PITPNM3: variants seen among roughly 807,000 people sequenced by gnomAD.
The protein encoded by PITPNM3 is membrane-associated phosphatidylinositol transfer protein 3.
Under a neutral mutation model 102.0 loss-of-function variants are expected in PITPNM3, and 26 were observed. That is an observed-to-expected ratio of 0.25 (90% CI 0.19 to 0.35). The LOEUF is 0.35. Ranked by LOEUF, PITPNM3 falls within the 10% of genes least tolerant of loss-of-function variation. The probability of loss-of-function intolerance (pLI) is 1.00; values close to 1 mark genes in which losing one functional copy is unlikely to be tolerated. For synonymous variants in PITPNM3, 578 were observed against 558.6 expected (o/e 1.03, Z -0.49); for missense variants, 1,083 against 1,346.1 (o/e 0.80, Z 3.06).
chr17:6,475,320 G>A (rs1374779021), intron 9 of PITPNM3, among the ~76,000 whole-genome samples: 4 of 152,130 alleles, frequency 2.6e-5, no homozygotes, highest in Non-Finnish European at 5.9e-5. Context: ...TCCAAGTTAC[G>A]TTCAGCCACA....
At chr17:6,509,194 A>G (rs944165253) in intron 3 of PITPNM3, among the ~76,000 whole-genome samples, 31 of 152,124 alleles carry the variant, frequency 2.0e-4, no homozygotes, top group African/African-American at 5.6e-4. Context: ...ATCTTTTCTG[A>G]GAAGATGCTT....
intron 3 of PITPNM3, among the ~76,000 whole-genome samples, chr17:6,508,485 G>A (rs553846712): frequency 3.0e-4 from 45 of 152,318 alleles, no homozygotes; most frequent in African/African-American, 1.1e-3. Flanking sequence ...TTGGTCGGGG[G>A]CTTCCTAGAG....
At chr17:6,493,920 G>A (rs184823575) in intron 4 of PITPNM3, among the ~76,000 whole-genome samples, 5 of 152,290 alleles carry the variant, frequency 3.3e-5, no homozygotes, top group Admixed American at 3.3e-4. Context: ...ATCCTGAATC[G>A]GGCCCAGTGA....
At position 6,471,363 on chromosome 17, in the gene PITPNM3, G is replaced by A. The variant is rs754342783; in HGVS notation, c.1430-8C>T. ...GGGTGTGTAGGGCATCAGCTGGAGG[G>A]GGAATTTCAAGGTCAGGCTGAGTCA... On this transcript the variant is annotated splice_region_variant and splice_polypyrimidine_tract_variant and intron_variant, in intron 11 of 19. Transcript: ENST00000262483. 2 of 1,577,790 alleles carry A rather than the reference G, an allele frequency of 1.3e-6. No homozygotes were observed. Among genetic ancestry groups the A allele is most frequent in the Non-Finnish European group, 1.7e-6 (2 of 1,164,110 alleles).
In PITPNM3 at chr17:6,468,102, G is replaced by A; in HGVS notation, c.1890+123C>T. 1.1e-6 allele frequency: 1 copy of A among 921,304 alleles called. No homozygotes were observed. Among genetic ancestry groups the A allele is most frequent in the Non-Finnish European group, 1.7e-6 (1 of 571,810 alleles). 57.1% of individuals were successfully genotyped at this position (921,304 alleles called of 1,614,324 possible). A position where few individuals can be genotyped will look rare whatever the true frequency, so the allele number is the denominator to read the frequency against. The stretch of plus-strand genomic sequence containing the variant: ...TCTGAGTGTGAGCCCCAGCCTGTTT[G>A]GGTGCTGAGCTCTGAGGACAAATTG... On this transcript the variant is annotated intron_variant, in intron 14 of 19. Transcript: ENST00000262483. The surrounding 1 kb of genome is among the most constrained non-coding windows in gnomAD (Gnocchi z 5.2).
In PITPNM3 at chr17:6,491,836, T is replaced by TATATATATATATATATATATATAA. The variant is rs148932496; in HGVS notation, c.275-7545_275-7544insTTATATATATATATATATATATAT. 3.8e-3 allele frequency among the ~76,000 whole-genome samples: 528 copies of TATATATATATATATATATATATAA among 139,180 alleles called. 7 individuals carry two copies. Among genetic ancestry groups the TATATATATATATATATATATATAA allele is most frequent in the Middle Eastern group, 0.015 (4 of 262 alleles). 91.3% of individuals were successfully genotyped at this position (139,180 alleles called of 152,430 possible). ...AATGGAATATATATATATATATATA[T>TATATATATATATATATATATATAA]AATAAAGAATTAATTAAGAATTAAG... is the stretch of plus-strand genomic sequence containing the variant. On this transcript the variant is annotated intron_variant, in intron 4 of 19. Coordinates refer to ENST00000262483, the MANE Select transcript of PITPNM3 (RefSeq NM_031220.4).
intron 1 of PITPNM3, among the ~76,000 whole-genome samples, chr17:6,538,976 TA>T (rs1909591467): frequency 6.6e-6 from 1 of 152,034 alleles, no homozygotes; most frequent in Non-Finnish European, 1.5e-5. Flanking sequence ...TCCCAGAGCA[TA>T]AACTGTTCCT....
In PITPNM3 at chr17:6,498,199, G is replaced by A. The variant is rs371636675; in HGVS notation, c.274+5328C>T. ...CCACAAGGGCAGAGGCCAACAGTGC[G>A]GGGTCCAGAGGGACCCTGGTCCTTC... On this transcript the variant is annotated intron_variant, in intron 4 of 19. Transcript: ENST00000262483. Among the ~76,000 whole-genome samples the A allele has an allele frequency of 1.3e-4, 20 of 152,358 alleles. No individual in the cohort carries two copies. The East Asian group carries it at 3.7e-3, about 28-fold the overall frequency.
intron 3 of PITPNM3, among the ~76,000 whole-genome samples, chr17:6,514,323 A>G (rs1465572266): frequency 1.3e-5 from 2 of 151,400 alleles, no homozygotes; most frequent in Non-Finnish European, 2.9e-5. Context: ...AAAAAAAAGT[A>G]TAAAGACAAC....
chr17:6,522,827 A>G (rs1908613291), intron 3 of PITPNM3, among the ~76,000 whole-genome samples: 1 of 152,136 alleles, frequency 6.6e-6, no homozygotes, highest in Non-Finnish European at 1.5e-5. Context: ...GCCTTACTGC[A>G]TAGTAACCCC....
intron 2 of PITPNM3, among the ~76,000 whole-genome samples, chr17:6,532,444 G>A (rs992356152): frequency 6.6e-6 from 1 of 152,014 alleles, no homozygotes; most frequent in African/African-American, 2.4e-5. Flanking sequence ...TAGTGAACAA[G>A]GCTCCATCCC....
intron 14 of PITPNM3, among the ~76,000 whole-genome samples, chr17:6,467,709 G>A (rs374093414): frequency 1.6e-4 from 24 of 152,254 alleles, no homozygotes; most frequent in South Asian, 6.2e-4. Context: ...ACTGATGATC[G>A]TTTGTTGAGT....
intron 6 of PITPNM3, among the ~76,000 whole-genome samples, chr17:6,482,637 C>G (rs977609709): frequency 6.6e-6 from 1 of 152,144 alleles, no homozygotes; most frequent in East Asian, 1.9e-4. Context: ...AAGTTTGGGG[C>G]AGTCTTGTGG....
intron 3 of PITPNM3, among the ~76,000 whole-genome samples, chr17:6,506,224 G>A (rs908899414): frequency 3.3e-5 from 5 of 151,874 alleles, no homozygotes; most frequent in Non-Finnish European, 4.4e-5. Context: ...AGGAAATGCC[G>A]GGTCCCTTGT....
chr17:6,464,560 G>A, intron 15 of PITPNM3, 95 bp downstream of exon 15: 1 of 1,323,380 alleles, frequency 7.6e-7, no homozygotes, highest in Non-Finnish European at 1.1e-6. Flanking sequence ...AGGCAGCTCG[G>A]CCCTCTTGAC....
chr17:6,455,976 T>C (rs1267322128), intron 19 of PITPNM3, among the ~76,000 whole-genome samples: 2 of 151,894 alleles, frequency 1.3e-5, no homozygotes, highest in African/African-American at 4.8e-5. Context: ...CCTGTACCCA[T>C]GGGTCACACC....
chr17:6,477,442 T>C (rs1427642223), intron 8 of PITPNM3, among the ~76,000 whole-genome samples: 1 of 152,238 alleles, frequency 6.6e-6, no homozygotes, highest in Non-Finnish European at 1.5e-5. Flanking sequence ...GCTGGATGGC[T>C]GTCGAAGGGG....
At chr17:6,474,241 G>C (rs755433741) in intron 10 of PITPNM3, among the ~76,000 whole-genome samples, 191 bp downstream of exon 10, 2 of 151,844 alleles carry the variant, frequency 1.3e-5, no homozygotes, top group Non-Finnish European at 2.9e-5. Flanking sequence ...CCTCACCTTC[G>C]CCCTGTGTCA....
At chr17:6,520,552 T>C (rs1489996545) in intron 3 of PITPNM3, among the ~76,000 whole-genome samples, 3 of 152,228 alleles carry the variant, frequency 2.0e-5, no homozygotes, top group Admixed American at 6.5e-5. Context: ...CATCGACCTC[T>C]AGAGAGATAC....
Sources: gnomAD v4.1 joint callset for allele counts (sites outside exome capture counted in the v4.1 genomes callset) on GRCh38, gnomAD v4.1.1 for gene constraint, Gnocchi (gnomAD v3.1) non-coding constraint, MANE v1.5 for transcripts, NCBI Gene and HGNC (gene_info 2026-07-23, HGNC 2026-07-21) for gene names.